ADGRE3: variants seen among roughly 807,000 people sequenced by gnomAD.
ADGRE3 encodes adhesion G protein-coupled receptor E3, also known as EGF-like module receptor 3.
ADGRE3 carries 88 observed loss-of-function variants against 80.1 expected under a neutral mutation model. The observed-to-expected ratio is 1.10, with a 90% CI of 0.93 to 1.31. ADGRE3 has a LOEUF of 1.31. ADGRE3 is among the 40% of genes most tolerant of loss of function. The pLI is 0.00. For missense variants in ADGRE3, 715 were observed against 776.5 expected (o/e 0.92, Z 0.94); for synonymous variants, 281 against 294.8 (o/e 0.95, Z 0.48).
chr19:14,610,348 G>A, the ADGRE3 span: 1 of 1,063,220 alleles, frequency 9.4e-7, no homozygotes, highest in South Asian at 1.6e-5. Flanking sequence ...GTTCCCAGGG[G>A]TGCAAGTCAG....
At chr19:14,609,170 C>T in the ADGRE3 span, among the ~76,000 whole-genome samples, 6 of 152,160 alleles carry the variant, frequency 3.9e-5, no homozygotes, top group Admixed American at 3.3e-4. Context: ...TGGGAGCCTG[C>T]TCACCTAAGA....
chr19:14,664,039 C>G (rs1245843797), intron 2 of ADGRE3, among the ~76,000 whole-genome samples: 1 of 151,792 alleles, frequency 6.6e-6, no homozygotes, highest in Non-Finnish European at 1.5e-5. Flanking sequence ...TGTGCCTTTT[C>G]CTCTTGTGAG....
At chr19:14,666,376 CTATT>C (rs1430248253) in intron 2 of ADGRE3, among the ~76,000 whole-genome samples, 7 of 85,596 alleles carry the variant, frequency 8.2e-5, no homozygotes, top group Non-Finnish European at 1.2e-4. Context: ...GTTTCTTGGC[CTATT>C]TTTTTTTTTT....
At chr19:14,645,179 A>C (rs190495364) in intron 8 of ADGRE3, among the ~76,000 whole-genome samples, 109 of 151,644 alleles carry the variant, frequency 7.2e-4, no homozygotes, top group Middle Eastern at 3.4e-3. Context: ...GAGGAAAAAA[A>C]CAAAAAAAAA....
rs1247921806 is a variant in ADGRE3 at position 14,635,998 on chromosome 19, TCTTTCTCTTTCTTTCTTC to T, written c.1484+2089_1484+2106del. Among the ~76,000 whole-genome samples the T allele has an allele frequency of 3.9e-3, 97 of 25,006 alleles. 21 individuals carry two copies. The highest frequency in any genetic ancestry group is 7.2e-3 in the Non-Finnish European group (63 of 8,760). The allele number at this position is 25,006 out of a possible 152,430, so 16.4% of individuals were successfully genotyped here. On this transcript the variant is annotated intron_variant, in intron 11 of 15. Transcript: ENST00000253673. ...TGCCAATAAAGCTCTCCTTTCTCTC[TCTTTCTCTTTCTTTCTTC>T]CTTCCTTCCTTCCTTCCTTCCTTCC...
In ADGRE3 at chr19:14,647,335, G is replaced by A. The variant is rs1177541270; in HGVS notation, c.728C>T (p.Ser243Phe). Reference sequence around the variant, plus strand: ...TGCATTTATGATGTTTCCAAGAGAAGAATATGAGATAAAGGCAATGGCACT... The same window carrying A: ...TGCATTTATGATGTTTCCAAGAGAAAAATATGAGATAAAGGCAATGGCACT... Reference protein sequence around the residue: ...GPSAIAFISYSSLGNIINATF... With the variant: ...GPSAIAFISYFSLGNIINATF... Residue 243 changes from serine to phenylalanine, a missense_variant, in exon 8 of 16, where the codon TCT becomes TTT. Transcript: ENST00000253673. 6.2e-7 allele frequency: 1 copy of A among 1,609,166 alleles called. No individual in the cohort carries two copies.
At chr19:14,603,492 C>T in the ADGRE3 span, among the ~76,000 whole-genome samples, 3 of 152,166 alleles carry the variant, frequency 2.0e-5, no homozygotes, top group South Asian at 2.1e-4. Flanking sequence ...TGGGATCTTG[C>T]TCTGTTGCCC....
intron 11 of ADGRE3, among the ~76,000 whole-genome samples, chr19:14,634,042 G>A (rs1970964678): frequency 6.6e-6 from 1 of 151,988 alleles, no homozygotes; most frequent in African/African-American, 2.4e-5. Flanking sequence ...CTCCCAAAGT[G>A]CTGGGATTAC....
At chr19:14,647,517 A>G in intron 7 of ADGRE3, 152 bp from the exon 8 acceptor site, 1 of 591,662 alleles carries the variant, frequency 1.7e-6, no homozygotes. Flanking sequence ...CCCGGGTTCA[A>G]GTGATTCTCC....
chr19:14,663,139 A>C (rs1229706795), intron 3 of ADGRE3, among the ~76,000 whole-genome samples: 1 of 151,880 alleles, frequency 6.6e-6, no homozygotes, highest in Non-Finnish European at 1.5e-5. Context: ...AGTAGCTGAG[A>C]TTATAAGCGC....
At chr19:14,621,588 T>G in intron 15 of ADGRE3, 1 of 672,552 alleles carries the variant, frequency 1.5e-6, no homozygotes. Context: ...CTATGGAAAT[T>G]GCTACTTTGC....
At chr19:14,632,830 G>T in intron 13 of ADGRE3, 91 bp downstream of exon 13, 1 of 804,376 alleles carries the variant, frequency 1.2e-6, no homozygotes, top group Non-Finnish European at 2.1e-6. Flanking sequence ...CTAGTCCTGG[G>T]AGCATGGCTG....
chr19:14,607,650 A>G, the ADGRE3 span, among the ~76,000 whole-genome samples: 1 of 151,556 alleles, frequency 6.6e-6, no homozygotes, highest in African/African-American at 2.4e-5. Flanking sequence ...ATCTCAGCTC[A>G]CTGTAATCTC....
chr19:14,643,710 T>C (rs545338963), intron 9 of ADGRE3, among the ~76,000 whole-genome samples: 1 of 152,056 alleles, frequency 6.6e-6, no homozygotes, highest in South Asian at 2.1e-4. Flanking sequence ...CTTTTCCACA[T>C]GTTGATTTTT....
intron 13 of ADGRE3, among the ~76,000 whole-genome samples, chr19:14,630,773 G>C (rs1186593431): frequency 6.6e-6 from 1 of 152,158 alleles, no homozygotes; most frequent in Admixed American, 6.6e-5. Context: ...GATTACATGA[G>C]ACTTTAATGG....
At chr19:14,622,107 C>T (rs1215548436) in intron 15 of ADGRE3, 1 of 1,053,508 alleles carries the variant, frequency 9.5e-7, no homozygotes, top group East Asian at 2.6e-5. Flanking sequence ...TTATGCTCAG[C>T]ACAGACACCA....
downstream of ADGRE3, among the ~76,000 whole-genome samples, chr19:14,618,071 A>G (rs1360111339): frequency 6.6e-6 from 1 of 152,098 alleles, no homozygotes; most frequent in Admixed American, 6.6e-5. Flanking sequence ...AGCATAATTT[A>G]GAGTCCAGGC....
chr19:14,644,125 T>A lies in ADGRE3; in HGVS notation c.1033A>T (p.Met345Leu), dbSNP rs1159572018. Residue 345 changes from methionine to leucine, a missense_variant, in exon 9 of 16, where the codon ATG (methionine) becomes TTG (leucine). Met to Leu is a conservative substitution (Grantham distance 15). Coordinates refer to ENST00000253673, the MANE Select transcript of ADGRE3 (RefSeq NM_032571.5). The part of the protein sequence containing the change: ...CSHLSSFAVL[M>L]ALTSQEEDPV... ...CATCATACCTGGCTGGTCAGGGCCA[T>A]CAGGACAGCGAAGCTGGACAGGTGA... 2 of 1,558,280 alleles carry A rather than the reference T, an allele frequency of 1.3e-6. No homozygotes were observed. The highest frequency in any genetic ancestry group is 4.0e-5 in the Admixed American group (2 of 50,594).
chr19:14,664,591 C>G (rs1972040984), intron 2 of ADGRE3, among the ~76,000 whole-genome samples: 1 of 152,080 alleles, frequency 6.6e-6, no homozygotes, highest in Non-Finnish European at 1.5e-5. Flanking sequence ...TGCCTGTAGT[C>G]CCAGCTACTC....
Sources: gnomAD v4.1 joint callset for allele counts (sites outside exome capture counted in the v4.1 genomes callset) on GRCh38, gnomAD v4.1.1 for gene constraint, MANE v1.5 for transcripts, NCBI Gene and HGNC (gene_info 2026-07-23, HGNC 2026-07-21) for gene names.